TMEM123: variants seen among roughly 807,000 people sequenced by gnomAD.
TMEM123 encodes the protein transmembrane protein 123.
In TMEM123, 16 loss-of-function variants were observed where a neutral mutation model predicts 19.7. The observed-to-expected ratio is 0.81, with a 90% CI of 0.55 to 1.23. The LOEUF is 1.23. Ranked by LOEUF, TMEM123 falls within the 50% of genes most tolerant of loss-of-function variation. TMEM123 has a pLI of 0.00. For synonymous variants in TMEM123, 118 were observed against 99.4 expected, an observed-to-expected ratio of 1.19 and a Z score of -1.12; for missense variants, 313 against 257.8, an observed-to-expected ratio of 1.21 and a Z score of -1.47.
Position 102,440,125 on chromosome 11 carries a change from T to G in TMEM123, c.157+8687A>C, listed in dbSNP as rs917894558. 4.6e-5 allele frequency among the ~76,000 whole-genome samples: 7 copies of G among 152,162 alleles called. No homozygotes were observed. The South Asian group carries it at 1.2e-3, about 27-fold the overall frequency. On this transcript the variant is annotated intron_variant, in intron 2 of 4. Coordinates refer to ENST00000398136, the MANE Select transcript of TMEM123 (RefSeq NM_052932.3). The stretch of plus-strand genomic sequence containing the variant: ...GTGGAACCAAGTTGGAAAACACTCT[T>G]CAGGATATTATCCAGGAGAACTTCC...
intron 2 of TMEM123, among the ~76,000 whole-genome samples, chr11:102,422,405 G>A (rs1952094936): frequency 6.6e-6 from 1 of 152,018 alleles, no homozygotes; most frequent in African/African-American, 2.4e-5. Flanking sequence ...ACCTGGCAGG[G>A]GGAGGTTGCA....
chr11:102,450,187 C>T (rs577441677), intron 1 of TMEM123, among the ~76,000 whole-genome samples: 33 of 152,328 alleles, frequency 2.2e-4, no homozygotes, highest in South Asian at 2.1e-3. Flanking sequence ...AACACAACAG[C>T]CTGTTTTTGT....
At chr11:102,452,120 T>C (rs1411785288) in intron 1 of TMEM123, 1 of 160,064 alleles carries the variant, frequency 6.2e-6, no homozygotes, top group Admixed American at 6.5e-5. Flanking sequence ...GGGAGACGTT[T>C]CCGCGGGCCT....
chr11:102,419,151 G>C (rs1037849055), intron 2 of TMEM123, among the ~76,000 whole-genome samples: 4 of 151,982 alleles, frequency 2.6e-5, no homozygotes, highest in African/African-American at 9.7e-5. Context: ...ATGTACCCTC[G>C]AGCCTAAAAT....
At chr11:102,448,356 A>G (rs982534342) in intron 2 of TMEM123, 1 of 450,516 alleles carries the variant, frequency 2.2e-6, no homozygotes, top group Non-Finnish European at 4.4e-6. Context: ...GGCCTCACCA[A>G]GTGTTTGGGT....
intron 2 of TMEM123, among the ~76,000 whole-genome samples, chr11:102,407,642 C>G (rs1425863440): frequency 6.6e-6 from 1 of 152,146 alleles, no homozygotes; most frequent in Non-Finnish European, 1.5e-5. Context: ...GACACACAAA[C>G]ACACACAAAG....
At chr11:102,415,134 C>T (rs1373957665) in intron 2 of TMEM123, among the ~76,000 whole-genome samples, 4 of 152,282 alleles carry the variant, frequency 2.6e-5, no homozygotes, top group Middle Eastern at 3.4e-3. Context: ...AACAAGACAA[C>T]TTAACTATCC....
chr11:102,401,053 T>C (rs564813032), intron 4 of TMEM123, among the ~76,000 whole-genome samples: 3 of 152,304 alleles, frequency 2.0e-5, no homozygotes, highest in South Asian at 4.1e-4. Flanking sequence ...ACAGGTAAAA[T>C]GATAAATTAT....
chr11:102,403,535 T>C (rs934894915), intron 2 of TMEM123, among the ~76,000 whole-genome samples: 2 of 152,250 alleles, frequency 1.3e-5, no homozygotes, highest in African/African-American at 4.8e-5. Flanking sequence ...TCTTTGTCCA[T>C]TTAATATGAT....
chr11:102,400,691 G>C (rs1951905135), intron 4 of TMEM123, among the ~76,000 whole-genome samples: 1 of 152,228 alleles, frequency 6.6e-6, no homozygotes, highest in African/African-American at 2.4e-5. Flanking sequence ...CTCGTGAACA[G>C]AATTAATACC....
At chr11:102,415,147 T>C (rs1008641791) in intron 2 of TMEM123, among the ~76,000 whole-genome samples, 1 of 152,178 alleles carries the variant, frequency 6.6e-6, no homozygotes, top group Admixed American at 6.5e-5. Flanking sequence ...AACTATCCCA[T>C]ATAAATATAC....
At chr11:102,421,889 C>T (rs1952090039) in intron 2 of TMEM123, among the ~76,000 whole-genome samples, 2 of 151,980 alleles carry the variant, frequency 1.3e-5, no homozygotes, top group Admixed American at 1.3e-4. Context: ...TTTGCTCCTC[C>T]CAATTTGCAG....
Position 102,397,945 on chromosome 11 carries a change from C to CTAGA in TMEM123, c.*918_*921dup, listed in dbSNP as rs758980227. 9.2e-5 allele frequency: 14 copies of CTAGA among 152,244 alleles called. No homozygotes were observed. The South Asian group carries it at 2.5e-3, about 27-fold the overall frequency. The allele number at this position is 152,244 out of a possible 1,614,324, so 9.4% of individuals were successfully genotyped here. A position where few individuals can be genotyped will look rare whatever the true frequency, so the allele number is the denominator to read the frequency against. On this transcript the variant is annotated 3_prime_UTR_variant, in exon 5 of 5. Coordinates refer to ENST00000398136, the MANE Select transcript of TMEM123 (RefSeq NM_052932.3). ...TGTGTTTACACTCAATTAAAAATTT[C>CTAGA]TAGATATTGAAAGCAGCTCTACAGT... is the stretch of plus-strand genomic sequence containing the variant.
intron 2 of TMEM123, among the ~76,000 whole-genome samples, chr11:102,444,033 A>G (rs1295079871): frequency 6.6e-6 from 1 of 152,238 alleles, no homozygotes; most frequent in African/African-American, 2.4e-5. Flanking sequence ...AATCATTTAA[A>G]AAGTCAGGAA....
At chr11:102,449,695 T>A (rs940252261) in intron 1 of TMEM123, among the ~76,000 whole-genome samples, 2 of 152,226 alleles carry the variant, frequency 1.3e-5, no homozygotes, top group African/African-American at 4.8e-5. Flanking sequence ...AGTGTAAGAT[T>A]AACTTGAAAA....
chr11:102,401,458 A>G, intron 4 of TMEM123, 81 bp downstream of exon 4: 1 of 1,291,466 alleles, frequency 7.7e-7, no homozygotes, highest in Non-Finnish European at 1.0e-6. Flanking sequence ...CCCTGAGATG[A>G]GCACTGGCTT....
At chr11:102,431,114 CTG>C (rs1857698588) in intron 2 of TMEM123, among the ~76,000 whole-genome samples, 2 of 152,042 alleles carry the variant, frequency 1.3e-5, no homozygotes, top group South Asian at 2.1e-4. Flanking sequence ...TTTTAGGAAA[CTG>C]TGCTTATGTC....
chr11:102,448,661 A>C (rs1292515794), intron 2 of TMEM123, 151 bp downstream of exon 2: 8 of 666,978 alleles, frequency 1.2e-5, no homozygotes, highest in Non-Finnish European at 1.9e-5. Flanking sequence ...TGTCTACTAT[A>C]GGGCACTAGG....
chr11:102,441,867 A>T (rs1857830041), intron 2 of TMEM123, among the ~76,000 whole-genome samples: 1 of 152,240 alleles, frequency 6.6e-6, no homozygotes, highest in South Asian at 2.1e-4. Flanking sequence ...GATGAAGGGG[A>T]TATCACCACT....
Sources: allele counts gnomAD v4.1 joint callset (sites outside exome capture counted in the v4.1 genomes callset), GRCh38; gene constraint gnomAD v4.1.1; transcripts MANE v1.5; gene names NCBI Gene and HGNC (gene_info 2026-07-23, HGNC 2026-07-21).